Variants in DPP6 observed in about 807,000 individuals in gnomAD.
The protein encoded by DPP6 is A-type potassium channel modulatory protein DPP6.
DPP6 carries 69 observed loss-of-function variants against 122.6 expected under a neutral mutation model. The ratio of observed to expected loss-of-function variants is 0.56; its 90% CI spans 0.46 to 0.69. The LOEUF is 0.69. Among genes scored for constraint, DPP6 ranks in the 30% least tolerant of loss-of-function variants. The pLI is 0.00. For synonymous variants in DPP6, 418 were observed against 433.1 expected (o/e 0.97, Z 0.43); for missense variants, 928 against 1,116.9 (o/e 0.83, Z 2.41).
chr7:154,319,044 C>T (rs549132157), intron 1 of DPP6, among the ~76,000 whole-genome samples: 1 of 152,194 alleles, frequency 6.6e-6, no homozygotes, highest in Admixed American at 6.5e-5. Context: ...CCAGGGCCAG[C>T]AGCAGGAGGT....
intron 1 of DPP6, among the ~76,000 whole-genome samples, chr7:154,218,950 T>G (rs1395167268): frequency 1.3e-5 from 2 of 152,212 alleles, no homozygotes; most frequent in Non-Finnish European, 2.9e-5. Flanking sequence ...GATCAGAAAT[T>G]TGCATTTCTG....
In DPP6 at chr7:154,062,030, C is replaced by A. The variant is rs1342386740; in HGVS notation, c.243+8967C>A. Among the ~76,000 whole-genome samples the A allele has an allele frequency of 8.0e-5, 10 of 124,502 alleles. 2 individuals carry two copies. Among genetic ancestry groups the A allele is most frequent in the African/African-American group, 3.0e-4 (10 of 33,778 alleles). 81.7% of individuals were successfully genotyped at this position (124,502 alleles called of 152,430 possible). A position where few individuals can be genotyped will look rare whatever the true frequency, so the allele number is the denominator to read the frequency against. ...CCCCATCGCAGGGGGGGGGAGGCAC[C>A]CCCCGCGAGGCAGGGACTGACAGCC... On this transcript the variant is annotated intron_variant, in intron 1 of 25. Transcript: ENST00000377770.
intron 21 of DPP6, among the ~76,000 whole-genome samples, chr7:154,882,835 TTTCA>T (rs1805506795): frequency 6.6e-6 from 1 of 152,234 alleles, no homozygotes; most frequent in African/African-American, 2.4e-5. Context: ...GAAAATCTTC[TTTCA>T]TTGTCATTAG....
At chr7:154,732,019 A>C (rs893964585) in intron 8 of DPP6, among the ~76,000 whole-genome samples, 1 of 151,924 alleles carries the variant, frequency 6.6e-6, no homozygotes, top group Admixed American at 6.6e-5. Context: ...TTTGTTTATA[A>C]ATTACTCTTT....
At position 154,755,228 on chromosome 7, in the gene DPP6, T is replaced by C. The variant is rs1047109441; in HGVS notation, c.884-14189T>C. 6.6e-6 allele frequency among the ~76,000 whole-genome samples: 1 copy of C among 151,528 alleles called. No homozygotes were observed. Among genetic ancestry groups the C allele is most frequent in the African/African-American group, 2.4e-5 (1 of 41,168 alleles). ...GTTTTGGTCAGTACCAGGACACGAA[T>C]GACAGGCTGCCTGCCTGTCCGACCC... is the stretch of plus-strand genomic sequence containing the variant. On this transcript the variant is annotated intron_variant, in intron 8 of 25. Transcript: ENST00000377770. The surrounding 1 kb of genome is among the most constrained non-coding windows in gnomAD (Gnocchi z 4.7).
chr7:154,619,931 T>C (rs1229894402), intron 5 of DPP6, among the ~76,000 whole-genome samples: 3 of 152,218 alleles, frequency 2.0e-5, no homozygotes. Context: ...CAACTCTTGG[T>C]GTGCTCACAG....
At chr7:154,077,807 A>G (rs1156441143) in intron 1 of DPP6, among the ~76,000 whole-genome samples, 2 of 151,752 alleles carry the variant, frequency 1.3e-5, no homozygotes, top group Non-Finnish European at 2.9e-5. Context: ...AGTAGCTGAG[A>G]CTACAGGCAC....
At chr7:154,601,787 G>A (rs1478766624) in intron 5 of DPP6, among the ~76,000 whole-genome samples, 2 of 120,286 alleles carry the variant, frequency 1.7e-5, no homozygotes, top group African/African-American at 5.3e-5. Flanking sequence ...AAACATCCAT[G>A]AGCATTTGTT....
rs150743291 is a variant in DPP6, at chr7:154,529,137, A to G, written c.458-11395A>G. 1.6e-3 allele frequency among the ~76,000 whole-genome samples: 244 copies of G among 152,316 alleles called. 1 individual carries two copies. Among genetic ancestry groups the G allele is most frequent in the African/African-American group, 5.7e-3 (236 of 41,568 alleles). Reference sequence around the variant, plus strand: ...GGAGTAGTCTATGGTGAAGGTGATGACAATCAGAACCAAGGCAGAAACATT... The same window carrying G: ...GGAGTAGTCTATGGTGAAGGTGATGGCAATCAGAACCAAGGCAGAAACATT... On this transcript the variant is annotated intron_variant, in intron 3 of 25. Coordinates refer to ENST00000377770, the MANE Select transcript of DPP6 (RefSeq NM_130797.4).
chr7:154,377,399 C>T (rs1813220306), intron 1 of DPP6, among the ~76,000 whole-genome samples: 1 of 152,082 alleles, frequency 6.6e-6, no homozygotes, highest in South Asian at 2.1e-4. Flanking sequence ...CGTACCAGTG[C>T]TAAGATAAAA....
chr7:154,060,820 C>T (rs1285529551), intron 1 of DPP6, among the ~76,000 whole-genome samples: 20 of 109,178 alleles, frequency 1.8e-4, no homozygotes, highest in African/African-American at 6.3e-4. Flanking sequence ...CCCCATGAGG[C>T]AGGGACTGAG....
At chr7:154,651,632 G>C (rs1453638358) in intron 6 of DPP6, among the ~76,000 whole-genome samples, 1 of 152,194 alleles carries the variant, frequency 6.6e-6, no homozygotes, top group African/African-American at 2.4e-5. Flanking sequence ...AGGATCGGCT[G>C]CTGGTTCTAA....
chr7:154,712,858 CA>C (rs1841270327), intron 7 of DPP6, among the ~76,000 whole-genome samples: 1 of 152,184 alleles, frequency 6.6e-6, no homozygotes, highest in Admixed American at 6.5e-5. Flanking sequence ...CATGTCCTCA[CA>C]ATTCAAAACA....
rs1800799783 is a variant in DPP6 at position 154,833,523 on chromosome 7, T to C, written c.1667-20257T>C. 6.6e-6 allele frequency among the ~76,000 whole-genome samples: 1 copy of C among 152,106 alleles called. No individual in the cohort carries two copies. Among genetic ancestry groups the C allele is most frequent in the African/African-American group, 2.4e-5 (1 of 41,402 alleles). On this transcript the variant is annotated intron_variant, in intron 16 of 25. Transcript: ENST00000377770. This position sits in a 1 kb window ranked among gnomAD's most constrained non-coding sequence, Gnocchi z 4.3. ...GTAAATTATTTATTATCTGAAACAC[T>C]CAGAGCAGGACCTGTTGCTGGTAGA...
chr7:154,843,732 C>T lies in DPP6; in HGVS notation c.1667-10048C>T, dbSNP rs117126075. 7.7e-3 allele frequency among the ~76,000 whole-genome samples: 1,166 copies of T among 152,334 alleles called. 12 individuals carry two copies. The highest frequency in any genetic ancestry group is 0.041 in the Middle Eastern group (12 of 294). On this transcript the variant is annotated intron_variant, in intron 16 of 25. Transcript: ENST00000377770. ...AAGTAGACCTTAGCAAGCCTGTATC[C>T]TGCAGTTGAGATCCAGATAAGGAAA...
intron 3 of DPP6, among the ~76,000 whole-genome samples, chr7:154,509,926 G>A (rs10231561): frequency 0.2 from 30,645 of 152,020 alleles, 3,306 homozygotes; most frequent in African/African-American, 0.26. Context: ...GCTTAGAATG[G>A]GGGTGAGGGG....
intron 5 of DPP6, among the ~76,000 whole-genome samples, chr7:154,637,233 C>A (rs2130922758): frequency 6.6e-6 from 1 of 152,230 alleles, no homozygotes; most frequent in South Asian, 2.1e-4. Context: ...TTTTCTGTTA[C>A]CTCCATTTTA....
intron 21 of DPP6, among the ~76,000 whole-genome samples, chr7:154,882,678 A>T (rs1805485805): frequency 1.4e-5 from 2 of 146,478 alleles, no homozygotes; most frequent in African/African-American, 4.9e-5. Flanking sequence ...CGACACCGAA[A>T]ATCCCCCCTG....
chr7:154,736,730 G>T (rs1348800050), intron 8 of DPP6, among the ~76,000 whole-genome samples: 4 of 152,202 alleles, frequency 2.6e-5, no homozygotes, highest in African/African-American at 9.7e-5. Context: ...GTCAAGAACT[G>T]TATTTTATAT....
Sources: allele counts gnomAD v4.1 joint callset (sites outside exome capture counted in the v4.1 genomes callset), GRCh38; gene constraint gnomAD v4.1.1; non-coding constraint Gnocchi (gnomAD v3.1); transcripts MANE v1.5; gene names NCBI Gene and HGNC (gene_info 2026-07-23, HGNC 2026-07-21).